DPP6: variants seen among roughly 807,000 people sequenced by gnomAD.
DPP6 encodes dipeptidyl peptidase like 6.
In DPP6, 69 loss-of-function variants were observed where a neutral mutation model predicts 122.6. The observed-to-expected ratio is 0.56, with a 90% CI of 0.46 to 0.69. The LOEUF is 0.69. Ranked by LOEUF, DPP6 falls within the 30% of genes least tolerant of loss-of-function variation. The probability of loss-of-function intolerance (pLI) is 0.00; values close to 1 mark genes in which losing one functional copy is unlikely to be tolerated. For missense variants in DPP6, 928 were observed against 1,116.9 expected (o/e 0.83, Z 2.41); for synonymous variants, 418 against 433.1 (o/e 0.97, Z 0.43).
intron 2 of DPP6, among the ~76,000 whole-genome samples, chr7:154,473,428 T>C (rs1242535645): frequency 6.6e-6 from 1 of 152,194 alleles, no homozygotes; most frequent in African/African-American, 2.4e-5. Flanking sequence ...CACAGCATTC[T>C]GTAATTTTCA....
intron 1 of DPP6, among the ~76,000 whole-genome samples, chr7:154,032,961 C>T (rs183687977): frequency 0.019 from 2,804 of 151,510 alleles, 81 homozygotes; most frequent in African/African-American, 0.066. Flanking sequence ...CTGTGGCTGC[C>T]TTTGAAGGTG....
chr7:153,790,625 CT>C, the DPP6 span, among the ~76,000 whole-genome samples: 1 of 152,136 alleles, frequency 6.6e-6, no homozygotes, highest in African/African-American at 2.4e-5. Context: ...TCCGTTGATA[CT>C]GACATTAGTC....
chr7:154,311,506 A>AAAAAG (rs1362464818), intron 1 of DPP6, among the ~76,000 whole-genome samples: 1 of 152,050 alleles, frequency 6.6e-6, no homozygotes, highest in African/African-American at 2.4e-5. Flanking sequence ...CCACAAAAAA[A>AAAAAG]AAAAAGAAAA....
intron 21 of DPP6, chr7:154,883,587 CCTG>C (rs906845270): frequency 6.7e-6 from 1 of 148,756 alleles, no homozygotes; most frequent in African/African-American, 2.5e-5. Context: ...CACCCATACA[CCTG>C]CTCACACACA....
intron 6 of DPP6, among the ~76,000 whole-genome samples, chr7:154,660,306 G>A (rs112151703): frequency 0.51 from 61,017 of 118,906 alleles, 18,475 homozygotes; most frequent in South Asian, 0.64. Context: ...TCACCATGGC[G>A]TATTGGCCGT....
intron 3 of DPP6, among the ~76,000 whole-genome samples, chr7:154,514,781 T>A (rs922910159): frequency 1.3e-5 from 2 of 152,216 alleles, no homozygotes; most frequent in African/African-American, 4.8e-5. Context: ...GTTTACCCAT[T>A]TATCTGTCAA....
intron 16 of DPP6, among the ~76,000 whole-genome samples, chr7:154,836,751 G>T (rs1325801135): frequency 6.6e-6 from 1 of 152,164 alleles, no homozygotes; most frequent in Non-Finnish European, 1.5e-5. Context: ...TTGTCACCCA[G>T]GCTGGAGTGC....
chr7:154,128,380 G>C (rs1033309296), intron 1 of DPP6, among the ~76,000 whole-genome samples: 4 of 152,206 alleles, frequency 2.6e-5, no homozygotes, highest in African/African-American at 9.7e-5. Flanking sequence ...AGGAATTCGA[G>C]ACTGGGCAAC....
intron 1 of DPP6, among the ~76,000 whole-genome samples, chr7:154,417,393 A>G (rs1455090979): frequency 1.3e-5 from 2 of 152,220 alleles, no homozygotes. Flanking sequence ...ATTTAAATGC[A>G]CAAGCCCCTA....
At position 153,988,796 on chromosome 7, in the gene DPP6, G is replaced by A. The variant is rs546386427; in HGVS notation, c.51+101062G>A. Among the ~76,000 whole-genome samples the A allele has an allele frequency of 4.6e-5, 7 of 152,244 alleles. No individual in the cohort carries two copies. In the South Asian group the frequency reaches 1.5e-3, roughly 32 times the overall value. On this transcript the variant is annotated intron_variant, in intron 1 of 25. Transcript: ENST00000404039. ...GAGTCGGAGGAATAAATGAATCCCG[G>A]AAATGCAGTTTCTGTGAACTCCAGA...
At chr7:154,203,577 A>G (rs1206337497) in intron 1 of DPP6, among the ~76,000 whole-genome samples, 1 of 152,212 alleles carries the variant, frequency 6.6e-6, no homozygotes, top group Non-Finnish European at 1.5e-5. Flanking sequence ...TGAAGGACAG[A>G]CACACCCAAC....
At chr7:154,640,273 T>A (rs1255542079) in intron 6 of DPP6, among the ~76,000 whole-genome samples, 1 of 114,742 alleles carries the variant, frequency 8.7e-6, no homozygotes, top group Admixed American at 8.4e-5. Context: ...AAACAACAAT[T>A]GGGATTAATT....
chr7:154,649,557 G>A (rs988999603), intron 6 of DPP6, among the ~76,000 whole-genome samples: 2 of 152,164 alleles, frequency 1.3e-5, no homozygotes, highest in African/African-American at 4.8e-5. Context: ...CCCGGTCACT[G>A]TGTATGGCAG....
At chr7:154,560,756 G>T (rs145883065) in intron 4 of DPP6, among the ~76,000 whole-genome samples, 1 of 151,920 alleles carries the variant, frequency 6.6e-6, no homozygotes, top group Non-Finnish European at 1.5e-5. Context: ...GATGGTGGGC[G>T]CCTGTTATCC....
At chr7:154,321,784 C>CAA (rs1180440495) in intron 1 of DPP6, among the ~76,000 whole-genome samples, 16 of 62,866 alleles carry the variant, frequency 2.5e-4, no homozygotes, top group Admixed American at 9.1e-4. Flanking sequence ...GACTCTGTCT[C>CAA]AAAAAAAAAA....
At chr7:154,551,884 A>G (rs1586608631) in intron 4 of DPP6, among the ~76,000 whole-genome samples, 2 of 152,290 alleles carry the variant, frequency 1.3e-5, no homozygotes, top group Non-Finnish European at 2.9e-5. Context: ...ATAGTTGCGA[A>G]TATCCTTTTG....
At chr7:154,419,250 C>T (rs1484172927) in intron 1 of DPP6, among the ~76,000 whole-genome samples, 1 of 152,108 alleles carries the variant, frequency 6.6e-6, no homozygotes, top group Non-Finnish European at 1.5e-5. Context: ...TCTTAAAATG[C>T]CAGCTCATTA....
intron 1 of DPP6, among the ~76,000 whole-genome samples, chr7:153,950,407 C>G (rs1304865016): frequency 1.3e-5 from 2 of 152,134 alleles, no homozygotes; most frequent in Non-Finnish European, 2.9e-5. Context: ...TTGAAGATCC[C>G]TGTACGTTAT....
chr7:154,250,744 G>A (rs1034365487), intron 1 of DPP6, among the ~76,000 whole-genome samples: 3 of 152,110 alleles, frequency 2.0e-5, no homozygotes, highest in African/African-American at 4.8e-5. Context: ...CCGTCAAGAC[G>A]AAGGAAAAGA....
Sources: allele counts gnomAD v4.1 joint callset (sites outside exome capture counted in the v4.1 genomes callset), GRCh38; gene constraint gnomAD v4.1.1; transcripts MANE v1.5; gene names NCBI Gene and HGNC (gene_info 2026-07-23, HGNC 2026-07-21).